The following PLEKHA7 variants were observed in gnomAD, a reference collection of about 807,000 sequenced individuals.
The protein encoded by PLEKHA7 is pleckstrin homology domain-containing family A member 7.
In PLEKHA7, 104 loss-of-function variants were observed where a neutral mutation model predicts 170.0. The ratio of observed to expected loss-of-function variants is 0.61; its 90% CI spans 0.52 to 0.72. The LOEUF is 0.72. Among genes scored for constraint, PLEKHA7 ranks in the 30% least tolerant of loss-of-function variants. The pLI, the probability that PLEKHA7 is intolerant of heterozygous loss-of-function variation, is 0.00. For missense variants in PLEKHA7, 1,615 were observed against 1,671.7 expected (o/e 0.97, Z 0.59); for synonymous variants, 648 against 660.8 (o/e 0.98, Z 0.30).
chr11:16,813,192 A>T (rs1252141631), intron 12 of PLEKHA7, 26 bp from the exon 13 acceptor site: 1 of 1,605,760 alleles, frequency 6.2e-7, no homozygotes, highest in Admixed American at 1.7e-5. Context: ...AGAGGAAAAA[A>T]CACAGTTATG....
chr11:16,837,211 T>A (rs1315170118), intron 9 of PLEKHA7, among the ~76,000 whole-genome samples: 1 of 152,088 alleles, frequency 6.6e-6, no homozygotes, highest in East Asian at 1.9e-4. Flanking sequence ...TAAGAATACA[T>A]CTCAATGTCA....
intron 3 of PLEKHA7, among the ~76,000 whole-genome samples, chr11:16,987,119 T>A (rs1863777139): frequency 6.6e-6 from 1 of 152,342 alleles, no homozygotes; most frequent in Admixed American, 6.5e-5. Context: ...TAATCTCCCA[T>A]GGCCCTAATC....
intron 3 of PLEKHA7, among the ~76,000 whole-genome samples, chr11:16,897,093 C>T (rs1857041067): frequency 6.6e-6 from 1 of 152,142 alleles, no homozygotes. Flanking sequence ...TTGCCAAAGT[C>T]TCATGCAATG....
chr11:16,990,039 G>A (rs1010050402), intron 3 of PLEKHA7, among the ~76,000 whole-genome samples: 1 of 152,004 alleles, frequency 6.6e-6, no homozygotes, highest in African/African-American at 2.4e-5. Context: ...TATGTACTCA[G>A]ATAAGCATTG....
intron 3 of PLEKHA7, among the ~76,000 whole-genome samples, chr11:16,950,824 T>G (rs527682954): frequency 6.1e-4 from 93 of 152,358 alleles, no homozygotes; most frequent in African/African-American, 2.2e-3. Flanking sequence ...CCCAGGCCTT[T>G]ATGCTATAGA....
chr11:17,008,326 A>G (rs1590842953), intron 3 of PLEKHA7, among the ~76,000 whole-genome samples: 1 of 152,228 alleles, frequency 6.6e-6, no homozygotes, highest in African/African-American at 2.4e-5. Context: ...CTAGTCCAGT[A>G]GCCAACAGGT....
intron 3 of PLEKHA7, among the ~76,000 whole-genome samples, chr11:16,930,358 A>T (rs551302101): frequency 3.9e-5 from 6 of 152,154 alleles, no homozygotes; most frequent in Non-Finnish European, 8.8e-5. Context: ...AGGAAGGAGG[A>T]TCTCTTGAAC....
chr11:16,902,099 T>C (rs75739895), intron 3 of PLEKHA7, among the ~76,000 whole-genome samples: 2,375 of 152,316 alleles, frequency 0.016, 59 homozygotes, highest in African/African-American at 0.054. Flanking sequence ...TAGGTCATCT[T>C]TTGTGACTGG....
chr11:16,848,094 GGCA>G (rs1852607675), intron 8 of PLEKHA7, among the ~76,000 whole-genome samples: 1 of 152,160 alleles, frequency 6.6e-6, no homozygotes, highest in Non-Finnish European at 1.5e-5. Context: ...ACAGAATAGT[GGCA>G]GCAGAAGTGG....
intron 6 of PLEKHA7, among the ~76,000 whole-genome samples, chr11:16,853,728 G>A (rs1853181369): frequency 1.3e-5 from 2 of 152,224 alleles, no homozygotes; most frequent in Non-Finnish European, 2.9e-5. Flanking sequence ...AAGGGCAAAT[G>A]TAAGAAAAGA....
chr11:16,869,270 T>C (rs1339484993), intron 4 of PLEKHA7, among the ~76,000 whole-genome samples: 1 of 152,208 alleles, frequency 6.6e-6, no homozygotes, highest in Non-Finnish European at 1.5e-5. Flanking sequence ...TCATCTCCCA[T>C]GGACCACCAG....
At position 16,839,820 on chromosome 11, in the gene PLEKHA7, C is replaced by T. The variant is rs184096840; in HGVS notation, c.872+1727G>A. ...TCCTGGCACCAGTCCTCCATGGATA[C>T]CAAGGAATGACTACATACATATACT... On this transcript the variant is annotated intron_variant, in intron 9 of 26. Coordinates refer to ENST00000531066, the MANE Select transcript of PLEKHA7 (RefSeq NM_001329630.2). Among the ~76,000 whole-genome samples, 55 of 151,792 alleles carry T rather than the reference C, an allele frequency of 3.6e-4. 1 individual carries two copies. The highest frequency in any genetic ancestry group is 7.1e-4 in the Non-Finnish European group (48 of 67,940).
intron 4 of PLEKHA7, among the ~76,000 whole-genome samples, chr11:16,865,068 G>C (rs1854275718): frequency 6.6e-6 from 1 of 152,024 alleles, no homozygotes; most frequent in African/African-American, 2.4e-5. Context: ...CACCATAATG[G>C]TCCCCCTCCT....
At chr11:16,959,982 TCTA>T (rs1297098821) in intron 3 of PLEKHA7, among the ~76,000 whole-genome samples, 1 of 152,090 alleles carries the variant, frequency 6.6e-6, no homozygotes, top group Non-Finnish European at 1.5e-5. Context: ...CCCCAAGGGA[TCTA>T]CTGACAGACC....
At chr11:16,871,972 C>CT (rs139139631) in intron 3 of PLEKHA7, among the ~76,000 whole-genome samples, 8,619 of 136,710 alleles carry the variant, frequency 0.063, 862 homozygotes, top group African/African-American at 0.22. Context: ...TAAATGTAGA[C>CT]TTTTTTTTTT....
intron 3 of PLEKHA7, among the ~76,000 whole-genome samples, chr11:16,981,949 T>A (rs1460955046): frequency 6.6e-6 from 1 of 151,976 alleles, no homozygotes; most frequent in Non-Finnish European, 1.5e-5. Context: ...TTGCCCTTAT[T>A]TAAAAACAAA....
chr11:16,864,350 AAATAAT>A (rs907419744), intron 4 of PLEKHA7, among the ~76,000 whole-genome samples: 1 of 152,218 alleles, frequency 6.6e-6, no homozygotes, highest in Non-Finnish European at 1.5e-5. Flanking sequence ...TTAGCTATAA[AAATAAT>A]AATAATACTA....
At chr11:16,924,174 C>A (rs1590629645) in intron 3 of PLEKHA7, among the ~76,000 whole-genome samples, 1 of 152,168 alleles carries the variant, frequency 6.6e-6, no homozygotes, top group African/African-American at 2.4e-5. Context: ...TAGACCCACC[C>A]TCTCTCTGAT....
chr11:16,943,958 G>C (rs1435899611), intron 3 of PLEKHA7, among the ~76,000 whole-genome samples: 2 of 152,212 alleles, frequency 1.3e-5, no homozygotes, highest in Non-Finnish European at 2.9e-5. Flanking sequence ...AAGTTTAGGG[G>C]ATGGGAAGAA....
Sources: allele counts gnomAD v4.1 joint callset (sites outside exome capture counted in the v4.1 genomes callset), GRCh38; gene constraint gnomAD v4.1.1; transcripts MANE v1.5; gene names NCBI Gene and HGNC (gene_info 2026-07-23, HGNC 2026-07-21).